The following SYNDIG1 variants were observed in gnomAD, a reference collection of about 807,000 sequenced individuals.
SYNDIG1 encodes the protein synapse differentiation-inducing gene protein 1.
In SYNDIG1, 9 loss-of-function variants were observed where a neutral mutation model predicts 19.4. The ratio of observed to expected loss-of-function variants is 0.46; its 90% CI spans 0.28 to 0.81. The LOEUF is 0.81. Ranked by LOEUF, SYNDIG1 falls within the 30% of genes least tolerant of loss-of-function variation. The pLI, the probability that SYNDIG1 is intolerant of heterozygous loss-of-function variation, is 0.12. For missense variants in SYNDIG1, 311 were observed against 343.3 expected, an observed-to-expected ratio of 0.91 and a Z score of 0.74; for synonymous variants, 141 against 145.9, an observed-to-expected ratio of 0.97 and a Z score of 0.24.
chr20:24,511,987 C>T (rs370079334), intron 1 of SYNDIG1, among the ~76,000 whole-genome samples: 8 of 151,482 alleles, frequency 5.3e-5, no homozygotes, highest in Middle Eastern at 3.2e-3. Context: ...ATATATTCCA[C>T]CTTTTACCCT....
chr20:24,569,433 G>T (rs905841102), intron 2 of SYNDIG1, among the ~76,000 whole-genome samples: 3 of 152,200 alleles, frequency 2.0e-5, no homozygotes, highest in Non-Finnish European at 4.4e-5. Flanking sequence ...CCCAGAGAGA[G>T]CATCAGAGAC....
intron 3 of SYNDIG1, among the ~76,000 whole-genome samples, chr20:24,604,360 G>T (rs2058723148): frequency 6.6e-6 from 1 of 152,156 alleles, no homozygotes; most frequent in African/African-American, 2.4e-5. Flanking sequence ...GTTGGCACCA[G>T]ATACAGGTCA....
intron 2 of SYNDIG1, among the ~76,000 whole-genome samples, chr20:24,548,102 C>T (rs776152405): frequency 3.9e-5 from 6 of 152,268 alleles, no homozygotes; most frequent in East Asian, 1.9e-4. Flanking sequence ...ATCCTCGAAG[C>T]GCTTGGGGAT....
intron 3 of SYNDIG1, among the ~76,000 whole-genome samples, chr20:24,654,503 G>A (rs957022477): frequency 4.6e-5 from 7 of 151,962 alleles, no homozygotes; most frequent in Non-Finnish European, 1.0e-4. Flanking sequence ...CCCATAGAAG[G>A]CTTGGAGAAC....
intron 3 of SYNDIG1, among the ~76,000 whole-genome samples, chr20:24,634,535 A>G (rs2059295736): frequency 6.6e-6 from 1 of 152,196 alleles, no homozygotes; most frequent in Non-Finnish European, 1.5e-5. Flanking sequence ...ACCTGAGCTC[A>G]GTGTTCCATT....
intron 1 of SYNDIG1, among the ~76,000 whole-genome samples, chr20:24,487,311 G>A (rs1277557529): frequency 6.6e-6 from 1 of 152,156 alleles, no homozygotes; most frequent in Non-Finnish European, 1.5e-5. Context: ...AACATTTGGA[G>A]GTAGAAAATC....
rs186897435 is a variant in SYNDIG1 at position 24,636,187 on chromosome 20, A to C, written c.619-29159A>C. 3.5e-3 allele frequency among the ~76,000 whole-genome samples: 537 copies of C among 152,336 alleles called. 6 individuals are homozygous for C. The highest frequency in any genetic ancestry group is 0.02 in the Admixed American group (302 of 15,304). On this transcript the variant is annotated intron_variant, in intron 3 of 3. Transcript: ENST00000376862. ...CAAATAGGGTACTTCAATTTTCATG[A>C]GAAAGCTTAACTTCTTTTCATCATG...
chr20:24,597,880 C>T (rs1481536481), intron 3 of SYNDIG1, among the ~76,000 whole-genome samples: 1 of 152,194 alleles, frequency 6.6e-6, no homozygotes, highest in Non-Finnish European at 1.5e-5. Context: ...TAGAAGACTG[C>T]CTTTCCTCCT....
intron 3 of SYNDIG1, among the ~76,000 whole-genome samples, chr20:24,599,552 G>T (rs74703371): frequency 0.013 from 1,945 of 152,210 alleles, 40 homozygotes; most frequent in African/African-American, 0.043. Flanking sequence ...CTGAAGCATT[G>T]TTCACAATGG....
Position 24,588,936 on chromosome 20 carries a change from G to A in SYNDIG1, c.618+3943G>A, listed in dbSNP as rs945989218. On this transcript the variant is annotated intron_variant, in intron 3 of 3. Transcript: ENST00000376862. ...GGAAGCACCTGCCTTCTCTGGGGGA[G>A]GCATCTGGCTTGTCCCTGAGCTGTG... Among the ~76,000 whole-genome samples the A allele has an allele frequency of 2.0e-5, 3 of 148,390 alleles. No homozygotes were observed. The Admixed American group carries it at 2.0e-4, about 10-fold the overall frequency.
intron 3 of SYNDIG1, among the ~76,000 whole-genome samples, chr20:24,599,713 G>A (rs771060366): frequency 6.6e-5 from 10 of 152,172 alleles, no homozygotes; most frequent in Non-Finnish European, 1.2e-4. Context: ...ATTATTAAGT[G>A]AAATAAGCCA....
chr20:24,545,896 G>A (rs2057566931), intron 2 of SYNDIG1, among the ~76,000 whole-genome samples: 1 of 152,174 alleles, frequency 6.6e-6, no homozygotes, highest in Non-Finnish European at 1.5e-5. Flanking sequence ...GTAAGATGGA[G>A]CATGTTGGCA....
intron 1 of SYNDIG1, among the ~76,000 whole-genome samples, chr20:24,474,959 A>G (rs1415725061): frequency 3.9e-5 from 6 of 152,260 alleles, no homozygotes; most frequent in African/African-American, 1.4e-4. Flanking sequence ...CTCAACTTTA[A>G]ACTACAGATC....
At chr20:24,557,102 T>G (rs1463446519) in intron 2 of SYNDIG1, among the ~76,000 whole-genome samples, 3 of 152,226 alleles carry the variant, frequency 2.0e-5, no homozygotes. Context: ...TCGCATCAGC[T>G]CCTGAGGCTT....
chr20:24,485,627 A>G (rs1451433775), intron 1 of SYNDIG1, among the ~76,000 whole-genome samples: 1 of 152,238 alleles, frequency 6.6e-6, no homozygotes, highest in East Asian at 1.9e-4. Flanking sequence ...GTACAGTAAT[A>G]TCTCCTTTAA....
chr20:24,639,931 C>G (rs1239398515), intron 3 of SYNDIG1, among the ~76,000 whole-genome samples: 1 of 152,202 alleles, frequency 6.6e-6, no homozygotes, highest in African/African-American at 2.4e-5. Context: ...TAACTATTCA[C>G]AAATAAATTT....
chr20:24,630,016 G>A (rs1395230680), intron 3 of SYNDIG1, among the ~76,000 whole-genome samples: 1 of 152,204 alleles, frequency 6.6e-6, no homozygotes, highest in Non-Finnish European at 1.5e-5. Context: ...GCCCAGCCCT[G>A]CATGGACCAC....
chr20:24,665,271 C>G, intron 3 of SYNDIG1, 75 bp from the exon 4 acceptor site: 2 of 1,511,592 alleles, frequency 1.3e-6, no homozygotes, highest in African/African-American at 1.4e-5. Flanking sequence ...AATCAGGAGC[C>G]GTAGATGAGC....
At chr20:24,576,486 TC>T (rs1777210777) in intron 2 of SYNDIG1, among the ~76,000 whole-genome samples, 1 of 152,174 alleles carries the variant, frequency 6.6e-6, no homozygotes, top group Non-Finnish European at 1.5e-5. Context: ...AGACAGTTGA[TC>T]GGGGGGCACG....
Sources: allele counts gnomAD v4.1 joint callset (sites outside exome capture counted in the v4.1 genomes callset), GRCh38; gene constraint gnomAD v4.1.1; transcripts MANE v1.5; gene names NCBI Gene and HGNC (gene_info 2026-07-23, HGNC 2026-07-21).